The following MIPOL1 variants were observed in gnomAD, a reference collection of about 807,000 sequenced individuals.
MIPOL1 encodes mirror-image polydactyly gene 1 protein.
MIPOL1 carries 57 observed loss-of-function variants against 60.9 expected under a neutral mutation model. The observed-to-expected ratio is 0.94, with a 90% confidence interval of 0.76 to 1.17. The LOEUF is 1.17. Ranked by LOEUF, MIPOL1 falls within the 50% of genes most tolerant of loss-of-function variation. The pLI, the probability that MIPOL1 is intolerant of heterozygous loss-of-function variation, is 0.00. For missense variants in MIPOL1, 551 were observed against 511.6 expected, an observed-to-expected ratio of 1.08 and a Z score of -0.74; for synonymous variants, 179 against 168.8, an observed-to-expected ratio of 1.06 and a Z score of -0.47.
intron 1 of MIPOL1, among the ~76,000 whole-genome samples, chr14:37,242,587 G>T (rs1300828727): frequency 1.3e-5 from 2 of 152,168 alleles, no homozygotes; most frequent in African/African-American, 4.8e-5. Flanking sequence ...ATTTATACCA[G>T]TTCTCTATTG....
intron 11 of MIPOL1, among the ~76,000 whole-genome samples, chr14:37,482,068 TAGAC>T (rs763437686): frequency 2.9e-4 from 44 of 151,830 alleles, no homozygotes; most frequent in Admixed American, 2.0e-4. Context: ...AAGAAAAAAA[TAGAC>T]AGATGAGATT....
chr14:37,397,785 C>G (rs549873431), intron 10 of MIPOL1, among the ~76,000 whole-genome samples: 1 of 152,240 alleles, frequency 6.6e-6, no homozygotes, highest in African/African-American at 2.4e-5. Flanking sequence ...TCACCCAGCT[C>G]CCATGCAATC....
At chr14:37,373,740 A>T (rs2092702795) in intron 10 of MIPOL1, among the ~76,000 whole-genome samples, 1 of 152,182 alleles carries the variant, frequency 6.6e-6, no homozygotes, top group Admixed American at 6.5e-5. Context: ...GCTGCATAAC[A>T]TTCCATGGTG....
intron 7 of MIPOL1, among the ~76,000 whole-genome samples, chr14:37,287,517 G>A (rs1037579481): frequency 1.3e-5 from 2 of 152,116 alleles, no homozygotes; most frequent in Non-Finnish European, 2.9e-5. Flanking sequence ...GCCTTCCAAA[G>A]CACTGAGATT....
rs961244834 is a variant in MIPOL1 at position 37,375,231 on chromosome 14, G to T, written c.936+5607G>T. On this transcript the variant is annotated intron_variant, in intron 10 of 12. Transcript: ENST00000684589. ...ATTATTATTATAATTTTTTTTAGATGAGTGTCTCACTGTGTCACCTAGGCT... is the reference window on the plus strand; with the variant it reads ...ATTATTATTATAATTTTTTTTAGATTAGTGTCTCACTGTGTCACCTAGGCT... 7.2e-5 allele frequency among the ~76,000 whole-genome samples: 11 copies of T among 151,766 alleles called. No homozygotes were observed. In the South Asian group the frequency reaches 2.3e-3, roughly 32 times the overall value.
chr14:37,490,285 G>A (rs2095028910), intron 11 of MIPOL1, among the ~76,000 whole-genome samples: 1 of 152,096 alleles, frequency 6.6e-6, no homozygotes, highest in South Asian at 2.1e-4. Context: ...CCTCGGCAAT[G>A]GTGAACCCCC....
chr14:37,310,225 TA>T (rs1262625397), intron 9 of MIPOL1, among the ~76,000 whole-genome samples: 3 of 152,180 alleles, frequency 2.0e-5, no homozygotes, highest in Admixed American at 6.5e-5. Context: ...CACAGCTTTG[TA>T]AGGCAGGAGA....
In MIPOL1 at chr14:37,308,530, A is replaced by G. The variant is rs769162424; in HGVS notation, c.828+11A>G. The G allele has an allele frequency of 3.0e-5, 46 of 1,535,034 alleles. 1 individual carries two copies. Among genetic ancestry groups the G allele is most frequent in the Non-Finnish European group, 3.9e-5 (45 of 1,146,888 alleles). ...GCTGCCTTGTCTAAGGTAACTCTGC[A>G]TATATCTGTAAAAGCATATACTTAC... On this transcript the variant is annotated intron_variant, in intron 9 of 12. Transcript: ENST00000684589.
At chr14:37,356,626 C>A in intron 9 of MIPOL1, among the ~76,000 whole-genome samples, 1 of 152,194 alleles carries the variant, frequency 6.6e-6, no homozygotes, top group Non-Finnish European at 1.5e-5. Flanking sequence ...GTTTTTTAAG[C>A]CTGTCAGAAA....
chr14:37,380,898 A>G (rs1037233359), intron 10 of MIPOL1, among the ~76,000 whole-genome samples: 3 of 152,134 alleles, frequency 2.0e-5, no homozygotes, highest in Non-Finnish European at 4.4e-5. Flanking sequence ...AGGCAGATGT[A>G]TCAGTATGTT....
chr14:37,351,178 G>A (rs373935475), intron 9 of MIPOL1, among the ~76,000 whole-genome samples: 3 of 145,228 alleles, frequency 2.1e-5, no homozygotes, highest in Admixed American at 7.0e-5. Context: ...TTGTTCTTGC[G>A]ATAGTTTACT....
chr14:37,269,081 A>C (rs2153387644), intron 5 of MIPOL1, among the ~76,000 whole-genome samples: 1 of 152,198 alleles, frequency 6.6e-6, no homozygotes, highest in African/African-American at 2.4e-5. Context: ...AGTTTTAGTA[A>C]AACTCTGCTT....
chr14:37,273,330 G>A (rs184729944), intron 6 of MIPOL1, among the ~76,000 whole-genome samples: 21 of 150,250 alleles, frequency 1.4e-4, no homozygotes, highest in Admixed American at 1.2e-3. Context: ...TCTATAATGA[G>A]CATAGATTTA....
At chr14:37,525,222 C>T (rs1467075100) in intron 12 of MIPOL1, among the ~76,000 whole-genome samples, 1 of 152,196 alleles carries the variant, frequency 6.6e-6, no homozygotes, top group Non-Finnish European at 1.5e-5. Context: ...TTCAAGGCAG[C>T]AGCATCTGAC....
intron 11 of MIPOL1, among the ~76,000 whole-genome samples, chr14:37,479,064 C>T (rs955216292): frequency 1.3e-4 from 20 of 152,112 alleles, no homozygotes; most frequent in African/African-American, 3.9e-4. Context: ...TAGCAGGGGA[C>T]GTCAATATAC....
intron 9 of MIPOL1, among the ~76,000 whole-genome samples, chr14:37,341,598 A>G (rs2090577384): frequency 6.6e-6 from 1 of 152,084 alleles, no homozygotes; most frequent in African/African-American, 2.4e-5. Context: ...TCAAAGTTCT[A>G]ATATTATTTT....
At chr14:37,526,157 C>G (rs566649214) in intron 12 of MIPOL1, among the ~76,000 whole-genome samples, 5 of 149,462 alleles carry the variant, frequency 3.3e-5, no homozygotes, top group African/African-American at 1.2e-4. Context: ...ATTAGTCTCT[C>G]ATAATCAAGC....
intron 9 of MIPOL1, among the ~76,000 whole-genome samples, chr14:37,363,318 T>G (rs1437053305): frequency 6.6e-6 from 1 of 152,202 alleles, no homozygotes; most frequent in East Asian, 1.9e-4. Flanking sequence ...TTTTTGTGGA[T>G]GTTGAAACTA....
chr14:37,309,576 C>T (rs1009124255), intron 9 of MIPOL1, among the ~76,000 whole-genome samples: 1 of 152,072 alleles, frequency 6.6e-6, no homozygotes, highest in Non-Finnish European at 1.5e-5. Context: ...GCTATCTGCT[C>T]TGTGGTCATA....
Sources: gnomAD v4.1 joint callset for allele counts (sites outside exome capture counted in the v4.1 genomes callset) on GRCh38, gnomAD v4.1.1 for gene constraint, MANE v1.5 for transcripts, NCBI Gene and HGNC (gene_info 2026-07-23, HGNC 2026-07-21) for gene names.